The following STIM2 variants were observed in gnomAD, a reference collection of about 807,000 sequenced individuals.
STIM2 encodes the protein stromal interaction molecule 2.
Under a neutral mutation model 85.8 loss-of-function variants are expected in STIM2, and 31 were observed. The ratio of observed to expected loss-of-function variants is 0.36; its 90% CI spans 0.27 to 0.49. STIM2 has a LOEUF of 0.49. STIM2 is among the 20% of genes least tolerant of loss of function. STIM2 has a pLI of 0.98. For synonymous variants in STIM2, 356 were observed against 331.1 expected (o/e 1.08, Z -0.82); for missense variants, 841 against 927.6 (o/e 0.91, Z 1.21).
chr4:26,927,977 G>A (rs1204333143), intron 2 of STIM2, among the ~76,000 whole-genome samples: 1 of 151,204 alleles, frequency 6.6e-6, no homozygotes, highest in Non-Finnish European at 1.5e-5. Flanking sequence ...GAAATTTATT[G>A]ACTCACAGTT....
At chr4:26,968,646 T>C (rs1726821047) in intron 3 of STIM2, among the ~76,000 whole-genome samples, 1 of 152,178 alleles carries the variant, frequency 6.6e-6, no homozygotes, top group Non-Finnish European at 1.5e-5. Flanking sequence ...TACCACTGAA[T>C]TGTATACTTA....
intron 3 of STIM2, among the ~76,000 whole-genome samples, chr4:26,970,246 T>TA (rs1726894714): frequency 5.7e-5 from 1 of 17,462 alleles, no homozygotes; most frequent in South Asian, 2.0e-3. Flanking sequence ...TATATATATA[T>TA]GTATGTATTT....
rs541251012 is a variant in STIM2, at chr4:26,882,314, A to G, written c.151+20945A>G. On this transcript the variant is annotated intron_variant, in intron 1 of 11. Coordinates refer to ENST00000467087, the MANE Select transcript of STIM2 (RefSeq NM_020860.4). The stretch of plus-strand genomic sequence containing the variant: ...GTGGTTTCATTTTTTCCAGTTTTGT[A>G]AAGTTTCAGTTGTTGCTAATTTTTT... Among the ~76,000 whole-genome samples, 6 of 152,226 alleles carry G rather than the reference A, an allele frequency of 3.9e-5. No homozygotes were observed. The South Asian group carries it at 8.3e-4, about 21-fold the overall frequency.
intron 1 of STIM2, among the ~76,000 whole-genome samples, chr4:26,904,999 G>A (rs1006491933): frequency 6.6e-6 from 1 of 152,138 alleles, no homozygotes; most frequent in African/African-American, 2.4e-5. Context: ...GGTTGAGTGG[G>A]TTGTGGGAGT....
At chr4:26,911,448 G>A (rs1357521968) in intron 1 of STIM2, among the ~76,000 whole-genome samples, 1 of 152,144 alleles carries the variant, frequency 6.6e-6, no homozygotes, top group East Asian at 1.9e-4. Flanking sequence ...CTAAGAGGCA[G>A]TCATCAGTCA....
intron 3 of STIM2, among the ~76,000 whole-genome samples, chr4:26,977,242 G>C (rs543556682): frequency 1.3e-4 from 20 of 152,300 alleles, no homozygotes; most frequent in African/African-American, 4.8e-4. Context: ...GAAGGCTCAA[G>C]TAGCTAGAAA....
chr4:26,976,054 C>T (rs1461406050), intron 3 of STIM2, among the ~76,000 whole-genome samples: 1 of 152,218 alleles, frequency 6.6e-6, no homozygotes, highest in Non-Finnish European at 1.5e-5. Context: ...GACCGCCGAA[C>T]CAGGCACAGG....
At chr4:26,913,537 C>G (rs931364161) in intron 1 of STIM2, among the ~76,000 whole-genome samples, 3 of 152,072 alleles carry the variant, frequency 2.0e-5, no homozygotes, top group African/African-American at 7.2e-5. Context: ...CTGGGGAATA[C>G]TGAATAGTTT....
chr4:26,933,364 G>A (rs1046206441), intron 2 of STIM2, among the ~76,000 whole-genome samples: 1 of 152,118 alleles, frequency 6.6e-6, no homozygotes, highest in Non-Finnish European at 1.5e-5. Context: ...TGAGTCTTCT[G>A]CTGAACAGAT....
rs1371129873 is a variant in STIM2, at chr4:26,860,982, C to T, written c.-237C>T. The T allele has an allele frequency of 3.3e-5, 43 of 1,285,014 alleles. No individual in the cohort carries two copies. Among genetic ancestry groups the T allele is most frequent in the Non-Finnish European group, 4.3e-5 (43 of 1,005,174 alleles). 79.6% of individuals were successfully genotyped at this position (1,285,014 alleles called of 1,614,324 possible). A position where few individuals can be genotyped will look rare whatever the true frequency, so the allele number is the denominator to read the frequency against. Reference sequence around the variant, plus strand: ...AATGAACGCAGCCGGGATCAGAGCTCCGGAGGCCGCCGGTGCCGATGGGAC... The same window carrying T: ...AATGAACGCAGCCGGGATCAGAGCTTCGGAGGCCGCCGGTGCCGATGGGAC... On this transcript the variant is annotated 5_prime_UTR_variant, in exon 1 of 12. Transcript: ENST00000467087.
At chr4:26,890,607 G>A (rs187843109) in intron 1 of STIM2, among the ~76,000 whole-genome samples, 159 of 152,126 alleles carry the variant, frequency 1.0e-3, no homozygotes, top group Admixed American at 2.2e-3. Context: ...GGTGGATCAC[G>A]AGGTCAGGAG....
Position 26,982,577 on chromosome 4 carries a change from A to G in STIM2, c.398-12802A>G, listed in dbSNP as rs527704650. On this transcript the variant is annotated intron_variant, in intron 3 of 11. Coordinates refer to ENST00000467087, the MANE Select transcript of STIM2 (RefSeq NM_020860.4). ...GAGCTCTTCCCTACTTATTGGCACA[A>G]AAAGTATCCAGGCTCATTGTGTTAT... 2.0e-5 allele frequency among the ~76,000 whole-genome samples: 3 copies of G among 152,244 alleles called. No homozygotes were observed. In the East Asian group the frequency reaches 5.8e-4, roughly 29 times the overall value.
At chr4:26,863,137 T>C (rs529565349) in intron 1 of STIM2, among the ~76,000 whole-genome samples, 2 of 152,216 alleles carry the variant, frequency 1.3e-5, no homozygotes, top group Admixed American at 1.3e-4. Context: ...CCATTTACAA[T>C]CCCTTTTAAG....
At chr4:27,010,254 G>A (rs187146516) in intron 10 of STIM2, among the ~76,000 whole-genome samples, 1 of 152,158 alleles carries the variant, frequency 6.6e-6, no homozygotes, top group East Asian at 1.9e-4. Flanking sequence ...GACCAGCCTG[G>A]CCAACATGAT....
At chr4:26,890,588 G>C (rs904746418) in intron 1 of STIM2, among the ~76,000 whole-genome samples, 1 of 152,132 alleles carries the variant, frequency 6.6e-6, no homozygotes. Context: ...ACTTTGGGAG[G>C]CCGAGGCGGG....
intron 1 of STIM2, among the ~76,000 whole-genome samples, chr4:26,877,919 A>C (rs539184706): frequency 2.6e-5 from 4 of 152,190 alleles, no homozygotes; most frequent in Non-Finnish European, 5.9e-5. Context: ...TAGGGCAAGC[A>C]TGGCTCCCTT....
In STIM2 at chr4:27,007,527, T is replaced by G; in HGVS notation, c.982-6T>G. The G allele has an allele frequency of 6.6e-7, 1 of 1,505,788 alleles. No individual in the cohort carries two copies. Among genetic ancestry groups the G allele is most frequent in the African/African-American group, 1.4e-5 (1 of 71,560 alleles). 93.3% of individuals were successfully genotyped at this position (1,505,788 alleles called of 1,614,324 possible). A position where few individuals can be genotyped will look rare whatever the true frequency, so the allele number is the denominator to read the frequency against. ...CTTTCTTGCCTCCTTCCTTTCCTTCTTCTAGGTTCGCATGGCTCTGAAAAA... is the reference window on the plus strand; with the variant it reads ...CTTTCTTGCCTCCTTCCTTTCCTTCGTCTAGGTTCGCATGGCTCTGAAAAA... On this transcript the variant is annotated splice_polypyrimidine_tract_variant and splice_region_variant and intron_variant, in intron 7 of 11. Coordinates refer to ENST00000467087, the MANE Select transcript of STIM2 (RefSeq NM_020860.4).
chr4:27,021,149 A>G (rs1728896296), intron 11 of STIM2: 1 of 1,327,618 alleles, frequency 7.5e-7, no homozygotes, highest in Non-Finnish European at 1.0e-6. Flanking sequence ...TCATTCATCC[A>G]ACACATTTTT....
chr4:26,951,486 A>G (rs1266994876), intron 2 of STIM2, among the ~76,000 whole-genome samples: 1 of 152,044 alleles, frequency 6.6e-6, no homozygotes, highest in East Asian at 1.9e-4. Flanking sequence ...TGGTCATCTC[A>G]GGGATCACTG....
Sources: allele counts gnomAD v4.1 joint callset (sites outside exome capture counted in the v4.1 genomes callset), GRCh38; gene constraint gnomAD v4.1.1; transcripts MANE v1.5; gene names NCBI Gene and HGNC (gene_info 2026-07-23, HGNC 2026-07-21).